The following GIT2 variants were observed in gnomAD, a reference collection of about 807,000 sequenced individuals.
The protein encoded by GIT2 is ARF GTPase-activating protein GIT2.
A neutral mutation model predicts 100.3 loss-of-function variants in GIT2; 32 were observed. That is an observed-to-expected ratio of 0.32 (90% confidence interval 0.24 to 0.43). The LOEUF is 0.43. Ranked by LOEUF, GIT2 falls within the 20% of genes least tolerant of loss-of-function variation. The probability of loss-of-function intolerance (pLI) is 1.00; values close to 1 mark genes in which losing one functional copy is unlikely to be tolerated. For missense variants in GIT2, 737 were observed against 975.1 expected, an observed-to-expected ratio of 0.76 and a Z score of 3.25; for synonymous variants, 353 against 364.1, an observed-to-expected ratio of 0.97 and a Z score of 0.35.
chr12:109,984,302 C>T (rs1288712303), intron 4 of GIT2, among the ~76,000 whole-genome samples: 2 of 151,998 alleles, frequency 1.3e-5, no homozygotes, highest in Admixed American at 1.3e-4. Flanking sequence ...GTCCCAGCTA[C>T]TAAGGAGGCT....
At chr12:109,943,520 A>C (rs1205003156) in intron 16 of GIT2, among the ~76,000 whole-genome samples, 9 of 152,098 alleles carry the variant, frequency 5.9e-5, no homozygotes, top group Non-Finnish European at 1.2e-4. Flanking sequence ...TTTTTAGTAG[A>C]GACAGGTTTT....
At chr12:109,970,686 T>C (rs1298176176) in intron 7 of GIT2, among the ~76,000 whole-genome samples, 3 of 152,270 alleles carry the variant, frequency 2.0e-5, no homozygotes, top group East Asian at 1.9e-4. Flanking sequence ...TACAGCTTCA[T>C]AGCAATTCTG....
In GIT2 at chr12:109,945,328, TCA is replaced by T; in HGVS notation, c.1661_1662del (p.Val554AspfsTer35). On this transcript the variant is annotated frameshift_variant, in exon 16 of 20. Transcript: ENST00000355312. LOFTEE classifies it high-confidence loss of function. ...AAGGAAGGCAGAGATGAAGAGGAGG[TCA>T]CAAGTGCACTCCTCCCGATCTGGAA... The part of the protein sequence containing the change: ...FPAHIGRSAL[V>X]TSSSSLPSFP... 6.4e-7 allele frequency: 1 copy of T among 1,559,822 alleles called. No individual in the cohort carries two copies. Among genetic ancestry groups the T allele is most frequent in the Non-Finnish European group, 8.8e-7 (1 of 1,131,186 alleles).
At position 109,967,569 on chromosome 12, in the gene GIT2, A is replaced by G. The variant is rs1353210328; in HGVS notation, c.719-66T>C. 2.9e-6 allele frequency: 3 copies of G among 1,049,162 alleles called. No homozygotes were observed. The Admixed American group carries it at 5.2e-5, about 18-fold the overall frequency. 65.0% of individuals were successfully genotyped at this position (1,049,162 alleles called of 1,614,324 possible). On this transcript the variant is annotated intron_variant, in intron 7 of 19. Transcript: ENST00000355312. ...TTGATAAGATCTGTAAAGGAACATC[A>G]CCATTATTTCCTCAAACTAAGTTTT... is the stretch of plus-strand genomic sequence containing the variant.
intron 7 of GIT2, among the ~76,000 whole-genome samples, chr12:109,969,162 CTTTTTTTTTTT>C (rs71079595): frequency 4.5e-5 from 4 of 89,100 alleles, no homozygotes; most frequent in Middle Eastern, 0.016. Context: ...AAAACTTTTC[CTTTTTTTTTTT>C]TTTTTTTTTT....
chr12:109,981,791 T>C (rs189973685), intron 6 of GIT2: 46 of 152,290 alleles, frequency 3.0e-4, no homozygotes, highest in Middle Eastern at 3.4e-3. Flanking sequence ...ATAATAAGTA[T>C]CATTTACCCA....
chr12:109,986,990 TA>T (rs1222384139), intron 4 of GIT2, among the ~76,000 whole-genome samples: 1 of 151,670 alleles, frequency 6.6e-6, no homozygotes, highest in East Asian at 1.9e-4. Context: ...AAAATAAAAA[TA>T]AAAAAATTAA....
upstream of GIT2, chr12:109,999,489 C>T (rs1889820905): frequency 3.5e-6 from 1 of 282,100 alleles, no homozygotes; most frequent in Non-Finnish European, 6.5e-6. This position sits in a 1 kb window ranked among gnomAD's most constrained non-coding sequence, Gnocchi z 4.3. Context: ...GGGGTGGGCG[C>T]GGCCGACCTG....
chr12:109,965,597 TA>T lies in GIT2; in HGVS notation c.765-21del. On this transcript the variant is annotated intron_variant, in intron 8 of 19. Coordinates refer to ENST00000355312, the MANE Select transcript of GIT2 (RefSeq NM_057169.5). ...AGGCTGCTAAGAAAACATACAAAGCTAATAAGCAAATAAATAAAGCCAGACT... is the reference window on the plus strand; with the variant it reads ...AGGCTGCTAAGAAAACATACAAAGCTATAAGCAAATAAATAAAGCCAGACT... The T allele has an allele frequency of 6.5e-7, 1 of 1,529,754 alleles. No homozygotes were observed. Among genetic ancestry groups the T allele is most frequent in the South Asian group, 1.2e-5 (1 of 86,298 alleles). The allele number at this position is 1,529,754 out of a possible 1,614,324, so 94.8% of individuals were successfully genotyped here.
At chr12:109,969,202 T>G (rs1188386557) in intron 7 of GIT2, among the ~76,000 whole-genome samples, 3 of 148,796 alleles carry the variant, frequency 2.0e-5, no homozygotes, top group Middle Eastern at 7.0e-3. Context: ...AGTTTTGTTC[T>G]TGTTGCCCAG....
intron 8 of GIT2, chr12:109,967,193 A>G: frequency 1.5e-6 from 1 of 674,044 alleles, no homozygotes; most frequent in South Asian, 2.0e-5. Flanking sequence ...TAAATAAATA[A>G]ATACAAAATA....
At chr12:109,944,935 A>C (rs1875866997) in intron 16 of GIT2, among the ~76,000 whole-genome samples, 1 of 152,224 alleles carries the variant, frequency 6.6e-6, no homozygotes, top group South Asian at 2.1e-4. Context: ...GGCCTATTAT[A>C]ATATCTAACC....
chr12:109,952,716 C>A (rs974383926), intron 13 of GIT2: 4 of 484,160 alleles, frequency 8.3e-6, no homozygotes, highest in African/African-American at 7.8e-5. Flanking sequence ...CTGCTCACTC[C>A]CTCAGCCTGT....
chr12:109,935,092 A>G (rs1165401736), intron 18 of GIT2, among the ~76,000 whole-genome samples: 2 of 151,894 alleles, frequency 1.3e-5, no homozygotes, highest in Non-Finnish European at 2.9e-5. Flanking sequence ...AAAAAAAAAG[A>G]CTGCCTACAT....
At chr12:109,941,080 G>A (rs983877478) in intron 16 of GIT2, among the ~76,000 whole-genome samples, 1 of 152,030 alleles carries the variant, frequency 6.6e-6, no homozygotes, top group African/African-American at 2.4e-5. Context: ...CTCCCAGGGC[G>A]CATGTTCTCT....
chr12:109,968,337 AT>A (rs112370559), intron 7 of GIT2, among the ~76,000 whole-genome samples: 57 of 144,756 alleles, frequency 3.9e-4, no homozygotes, highest in East Asian at 2.2e-3. Flanking sequence ...TCTTCATGTG[AT>A]TTTTTTTTTT....
At chr12:109,989,838 C>G (rs1009985764) in intron 2 of GIT2, 36 bp from the exon 3 acceptor site, 8 of 1,084,178 alleles carry the variant, frequency 7.4e-6, no homozygotes, top group African/African-American at 1.5e-5. Context: ...ACTTTAATTT[C>G]TTTTCACAAA....
At chr12:109,995,489 C>T (rs980252695) in intron 1 of GIT2, among the ~76,000 whole-genome samples, 2 of 152,158 alleles carry the variant, frequency 1.3e-5, no homozygotes, top group African/African-American at 4.8e-5. Context: ...GTGATACTCC[C>T]GATTATCCTC....
chr12:109,994,537 G>A (rs925756597), intron 1 of GIT2, among the ~76,000 whole-genome samples: 22 of 152,166 alleles, frequency 1.4e-4, no homozygotes, highest in African/African-American at 4.3e-4. Flanking sequence ...AATATTTCAA[G>A]GTAGCCTAAT....
Sources: allele counts gnomAD v4.1 joint callset (sites outside exome capture counted in the v4.1 genomes callset), GRCh38; gene constraint gnomAD v4.1.1; non-coding constraint Gnocchi (gnomAD v3.1); transcripts MANE v1.5; gene names NCBI Gene and HGNC (gene_info 2026-07-23, HGNC 2026-07-21).